ATP8A1: variants seen among roughly 807,000 people sequenced by gnomAD.
ATP8A1 encodes the protein ATPase phospholipid transporting 8A1.
ATP8A1 carries 90 observed loss-of-function variants against 177.7 expected under a neutral mutation model. The ratio of observed to expected loss-of-function variants is 0.51; its 90% CI spans 0.43 to 0.60. ATP8A1 has a LOEUF of 0.60. ATP8A1 is among the 20% of genes least tolerant of loss of function. ATP8A1 has a pLI of 0.00. For synonymous variants in ATP8A1, 493 were observed against 485.9 expected, an observed-to-expected ratio of 1.01 and a Z score of -0.19; for missense variants, 1,072 against 1,392.8, an observed-to-expected ratio of 0.77 and a Z score of 3.67.
chr4:42,586,377 C>G lies in ATP8A1; in HGVS notation c.694G>C (p.Val232Leu), dbSNP rs759308442. 1 of 1,613,992 alleles carries G rather than the reference C, an allele frequency of 6.2e-7. No individual in the cohort carries two copies. Residue 232 changes from valine to leucine, a missense_variant, in exon 9 of 37, where the codon GTT becomes CTT. Val to Leu is a conservative substitution (Grantham distance 32). Coordinates refer to ENST00000381668, the MANE Select transcript of ATP8A1 (RefSeq NM_006095.2). ...ESPNRHLYDFVGNIRLDGHGT... is the reference protein window; with the variant it reads ...ESPNRHLYDFLGNIRLDGHGT... The stretch of plus-strand genomic sequence containing the variant: ...TGTCCATCAAGCCTTATGTTTCCAA[C>G]AAAATCGTAGAGATGTCTGTTTGGA...
chr4:42,521,365 A>G (rs971686314), intron 22 of ATP8A1, among the ~76,000 whole-genome samples: 2 of 152,178 alleles, frequency 1.3e-5, no homozygotes, highest in South Asian at 2.1e-4. Context: ...TTCTTCATCT[A>G]TAAGACAGGA....
intron 1 of ATP8A1, among the ~76,000 whole-genome samples, chr4:42,645,856 G>C (rs1740474261): frequency 6.6e-6 from 1 of 151,950 alleles, no homozygotes; most frequent in African/African-American, 2.4e-5. Context: ...TTAACATGTA[G>C]AGCAGCCACC....
chr4:42,621,376 T>A (rs972750138), intron 4 of ATP8A1, among the ~76,000 whole-genome samples: 2 of 152,378 alleles, frequency 1.3e-5, no homozygotes, highest in South Asian at 4.1e-4. Flanking sequence ...AATGTTTGTA[T>A]AACTTTAAAT....
intron 1 of ATP8A1, among the ~76,000 whole-genome samples, chr4:42,644,801 TCA>T (rs1740363760): frequency 6.6e-6 from 1 of 152,074 alleles, no homozygotes; most frequent in South Asian, 2.1e-4. Context: ...TTGGGAGTTT[TCA>T]CATTTTGTAC....
intron 1 of ATP8A1, among the ~76,000 whole-genome samples, chr4:42,641,136 A>C (rs1739943276): frequency 6.6e-6 from 1 of 152,138 alleles, no homozygotes; most frequent in Non-Finnish European, 1.5e-5. Flanking sequence ...GGATAAGGAC[A>C]CATGACACGA....
At position 42,553,226 on chromosome 4, in the gene ATP8A1, C is replaced by T. The variant is rs1729688914; in HGVS notation, c.1414-616G>A. ...AAAGGCAGATGTAGCTGAATCTTGT[C>T]GTTGGAGGACAGGATAAAAATTCGA... On this transcript the variant is annotated intron_variant, in intron 16 of 36. Transcript: ENST00000381668. Among the ~76,000 whole-genome samples, 5 of 152,108 alleles carry T rather than the reference C, an allele frequency of 3.3e-5. No homozygotes were observed. In the South Asian group the frequency reaches 8.3e-4, roughly 25 times the overall value.
intron 15 of ATP8A1, 169 bp from the exon 16 acceptor site, chr4:42,556,209 C>T: frequency 4.5e-6 from 2 of 439,680 alleles, no homozygotes; most frequent in Non-Finnish European, 4.1e-6. Context: ...GATTGTATCA[C>T]AAAATATATT....
At chr4:42,517,291 CAAAA>C (rs34576268) in intron 22 of ATP8A1, among the ~76,000 whole-genome samples, 1 of 102,414 alleles carries the variant, frequency 9.8e-6, no homozygotes, top group Non-Finnish European at 2.1e-5. Flanking sequence ...GACTCCGTCT[CAAAA>C]AAAAAAAAAA....
intron 20 of ATP8A1, among the ~76,000 whole-genome samples, chr4:42,542,520 T>A (rs1260698720): frequency 6.6e-6 from 1 of 152,166 alleles, no homozygotes; most frequent in Non-Finnish European, 1.5e-5. Flanking sequence ...GGTATACATG[T>A]GCCATGTTGG....
intron 25 of ATP8A1, among the ~76,000 whole-genome samples, chr4:42,482,519 T>C (rs1039319134): frequency 1.3e-5 from 2 of 151,594 alleles, no homozygotes; most frequent in African/African-American, 4.8e-5. Flanking sequence ...ATTAGTTCTG[T>C]CTCTGAAAAT....
chr4:42,529,408 A>G (rs1727030124), intron 20 of ATP8A1, among the ~76,000 whole-genome samples: 1 of 152,138 alleles, frequency 6.6e-6, no homozygotes, highest in African/African-American at 2.4e-5. Flanking sequence ...TCACGATGCG[A>G]CCTGAACTGC....
intron 5 of ATP8A1, among the ~76,000 whole-genome samples, chr4:42,604,875 T>A (rs531367270): frequency 2.0e-5 from 3 of 152,172 alleles, no homozygotes; most frequent in African/African-American, 7.2e-5. Context: ...TACAATGACA[T>A]GAATGAATCT....
At chr4:42,582,518 C>G (rs1426713077) in intron 9 of ATP8A1, among the ~76,000 whole-genome samples, 1 of 134,924 alleles carries the variant, frequency 7.4e-6, no homozygotes, top group Non-Finnish European at 1.6e-5. Flanking sequence ...CTCTCTCCCC[C>G]CCCACCCAAA....
chr4:42,479,860 G>A (rs1193660348), intron 25 of ATP8A1, among the ~76,000 whole-genome samples: 2 of 152,170 alleles, frequency 1.3e-5, no homozygotes, highest in Non-Finnish European at 2.9e-5. Context: ...GGGCTTCTTG[G>A]GGGCTGGTCC....
chr4:42,590,025 G>A (rs1375780831), intron 7 of ATP8A1, among the ~76,000 whole-genome samples: 1 of 152,156 alleles, frequency 6.6e-6, no homozygotes, highest in Non-Finnish European at 1.5e-5. Flanking sequence ...TAATAGTGCT[G>A]TGAAAAGGCA....
intron 6 of ATP8A1, among the ~76,000 whole-genome samples, chr4:42,597,285 T>C (rs962964514): frequency 2.0e-5 from 3 of 152,236 alleles, no homozygotes; most frequent in Admixed American, 6.5e-5. Flanking sequence ...TTATTTTTAA[T>C]TGGACTAAAT....
At chr4:42,654,010 G>A (rs1191684639) in intron 1 of ATP8A1, among the ~76,000 whole-genome samples, 1 of 152,186 alleles carries the variant, frequency 6.6e-6, no homozygotes, top group South Asian at 2.1e-4. Context: ...CTGCAGGCCA[G>A]CATCCTTCAG....
At chr4:42,498,983 A>G (rs1245059134) in intron 24 of ATP8A1, among the ~76,000 whole-genome samples, 1 of 152,220 alleles carries the variant, frequency 6.6e-6, no homozygotes, top group East Asian at 1.9e-4. Context: ...TAACATATAA[A>G]TTAATAGTTT....
intron 20 of ATP8A1, among the ~76,000 whole-genome samples, chr4:42,529,419 G>A (rs1237859478): frequency 1.3e-5 from 2 of 152,194 alleles, no homozygotes; most frequent in Admixed American, 6.5e-5. Context: ...CCTGAACTGC[G>A]TATCATGAAC....
Sources: gnomAD v4.1 joint callset for allele counts (sites outside exome capture counted in the v4.1 genomes callset) on GRCh38, gnomAD v4.1.1 for gene constraint, MANE v1.5 for transcripts, NCBI Gene and HGNC (gene_info 2026-07-23, HGNC 2026-07-21) for gene names.